The following ACBD6 variants were observed in gnomAD, a reference collection of about 807,000 sequenced individuals.
ACBD6 encodes acyl-CoA binding domain containing 6.
Under a neutral mutation model 37.2 loss-of-function variants are expected in ACBD6, and 28 were observed. The ratio of observed to expected loss-of-function variants is 0.75; its 90% CI spans 0.56 to 1.03. The LOEUF is 1.03. Ranked by LOEUF, ACBD6 falls within the 50% of genes least tolerant of loss-of-function variation. ACBD6 has a pLI of 0.00. For missense variants in ACBD6, 340 were observed against 337.4 expected (o/e 1.01, Z -0.06); for synonymous variants, 113 against 126.8 (o/e 0.89, Z 0.73).
At chr1:180,440,024 A>G (rs1327061625) in intron 3 of ACBD6, among the ~76,000 whole-genome samples, 1 of 152,060 alleles carries the variant, frequency 6.6e-6, no homozygotes, top group Non-Finnish European at 1.5e-5. Context: ...TTTTCCTTTC[A>G]TGTGAAGTTC....
intron 6 of ACBD6, among the ~76,000 whole-genome samples, chr1:180,354,137 C>T (rs183755429): frequency 5.9e-5 from 9 of 152,274 alleles, no homozygotes; most frequent in African/African-American, 9.6e-5. Flanking sequence ...CAGTTTGATC[C>T]GATTGTTCCC....
chr1:180,322,753 T>C (rs756102865), intron 6 of ACBD6, among the ~76,000 whole-genome samples: 1 of 151,666 alleles, frequency 6.6e-6, no homozygotes, highest in Non-Finnish European at 1.5e-5. Context: ...TTTTTTTTTT[T>C]AGTCTGGCTA....
intron 3 of ACBD6, among the ~76,000 whole-genome samples, chr1:180,479,686 C>T (rs1650947479): frequency 6.6e-6 from 1 of 152,106 alleles, no homozygotes; most frequent in African/African-American, 2.4e-5. Flanking sequence ...TTCACAGGTA[C>T]CCCATATATT....
At chr1:180,475,049 TA>T (rs757522575) in intron 3 of ACBD6, among the ~76,000 whole-genome samples, 9 of 152,200 alleles carry the variant, frequency 5.9e-5, no homozygotes, top group African/African-American at 1.2e-4. Context: ...CACCCAGATT[TA>T]AAAATCCATT....
intron 6 of ACBD6, among the ~76,000 whole-genome samples, chr1:180,330,062 GA>G (rs1488927253): frequency 1.3e-5 from 2 of 151,976 alleles, no homozygotes; most frequent in Admixed American, 6.6e-5. Context: ...AAAATACAAG[GA>G]CTTGATTCTC....
intron 3 of ACBD6, among the ~76,000 whole-genome samples, chr1:180,485,020 A>G (rs1167908481): frequency 8.3e-6 from 1 of 120,232 alleles, no homozygotes; most frequent in Admixed American, 8.1e-5. Context: ...CAGTGAGCCG[A>G]GATTGCACAA....
chr1:180,306,609 T>C (rs1650387407), intron 7 of ACBD6, among the ~76,000 whole-genome samples: 1 of 152,204 alleles, frequency 6.6e-6, no homozygotes, highest in African/African-American at 2.4e-5. Flanking sequence ...GTAGCATGTG[T>C]AAGATTCATT....
intron 6 of ACBD6, among the ~76,000 whole-genome samples, chr1:180,336,236 T>C (rs1186832242): frequency 6.7e-6 from 1 of 148,382 alleles, no homozygotes; most frequent in East Asian, 2.0e-4. Context: ...ACTGCACTTA[T>C]TCCAAAACTG....
intron 6 of ACBD6, among the ~76,000 whole-genome samples, chr1:180,334,395 A>C (rs1651617390): frequency 6.6e-6 from 1 of 152,210 alleles, no homozygotes; most frequent in South Asian, 2.1e-4. Flanking sequence ...GCTGATACCC[A>C]GGCAAACAGG....
intron 4 of ACBD6, among the ~76,000 whole-genome samples, chr1:180,415,076 C>A (rs1648023790): frequency 6.7e-6 from 1 of 148,844 alleles, no homozygotes; most frequent in Admixed American, 6.7e-5. Context: ...GACTCCATCT[C>A]AAAAAAATAA....
At chr1:180,462,989 A>G (rs1650210305) in intron 3 of ACBD6, among the ~76,000 whole-genome samples, 2 of 152,222 alleles carry the variant, frequency 1.3e-5, no homozygotes, top group Non-Finnish European at 2.9e-5. Flanking sequence ...TTGGGTAAAT[A>G]ATGAAATTAA....
chr1:180,401,788 GAA>G (rs1243663461), intron 5 of ACBD6, among the ~76,000 whole-genome samples: 3 of 97,870 alleles, frequency 3.1e-5, no homozygotes, highest in African/African-American at 1.1e-4. Flanking sequence ...ATTCTGTCCA[GAA>G]AAAAAAAAAA....
chr1:180,482,915 A>C (rs1169161764), intron 3 of ACBD6, among the ~76,000 whole-genome samples: 7 of 152,146 alleles, frequency 4.6e-5, no homozygotes, highest in African/African-American at 1.7e-4. Flanking sequence ...ATACTCTTCC[A>C]CACTGTTTGA....
intron 6 of ACBD6, among the ~76,000 whole-genome samples, chr1:180,375,186 C>T (rs1653388939): frequency 6.6e-6 from 1 of 152,154 alleles, no homozygotes; most frequent in Non-Finnish European, 1.5e-5. Flanking sequence ...CTATTCTAGA[C>T]ATTAATACCT....
At chr1:180,307,514 T>C (rs191667886) in intron 7 of ACBD6, among the ~76,000 whole-genome samples, 12 of 152,278 alleles carry the variant, frequency 7.9e-5, no homozygotes, top group African/African-American at 2.4e-4. Flanking sequence ...AGAGTTTAAT[T>C]AGATTGTTTG....
At chr1:180,476,874 A>G (rs575261431) in intron 3 of ACBD6, among the ~76,000 whole-genome samples, 1 of 152,252 alleles carries the variant, frequency 6.6e-6, no homozygotes, top group South Asian at 2.1e-4. Flanking sequence ...GAAAACTCAA[A>G]AACAACACAA....
chr1:180,309,575 A>G (rs921719189), intron 7 of ACBD6, among the ~76,000 whole-genome samples: 3 of 152,186 alleles, frequency 2.0e-5, no homozygotes, highest in Non-Finnish European at 4.4e-5. Flanking sequence ...AGGGGATGGA[A>G]ATAAGAGCTG....
intron 5 of ACBD6, among the ~76,000 whole-genome samples, chr1:180,397,850 C>G (rs1178760593): frequency 1.3e-5 from 2 of 152,032 alleles, no homozygotes; most frequent in African/African-American, 4.8e-5. Context: ...GTCAAGAGTT[C>G]GAGACCAGCC....
chr1:180,433,636 A>G (rs558990710), intron 3 of ACBD6, among the ~76,000 whole-genome samples: 16 of 151,744 alleles, frequency 1.1e-4, no homozygotes, highest in Admixed American at 8.5e-4. Context: ...AGAGAGCGAG[A>G]GTGAGAGAGT....
Sources: allele counts gnomAD v4.1 joint callset (sites outside exome capture counted in the v4.1 genomes callset), GRCh38; gene constraint gnomAD v4.1.1; transcripts MANE v1.5; gene names NCBI Gene and HGNC (gene_info 2026-07-23, HGNC 2026-07-21).